The following EPHA8 variants were observed in gnomAD, a reference collection of about 807,000 sequenced individuals.
EPHA8 encodes the protein EPH receptor A8, also known as ephrin type-A receptor 8.
A neutral mutation model predicts 103.6 loss-of-function variants in EPHA8; 58 were observed. The ratio of observed to expected loss-of-function variants is 0.56; its 90% CI spans 0.45 to 0.70. The LOEUF is 0.70. Among genes scored for constraint, EPHA8 ranks in the 30% least tolerant of loss-of-function variants. EPHA8 has a pLI of 0.00. For synonymous variants in EPHA8, 559 were observed against 572.5 expected (o/e 0.98, Z 0.34); for missense variants, 1,304 against 1,395.2 (o/e 0.93, Z 1.04).
rs1167266311 is a variant in EPHA8, at chr1:22,601,747, A to T, written c.*6A>T. 3.2e-6 allele frequency: 5 copies of T among 1,554,278 alleles called. No homozygotes were observed. Among genetic ancestry groups the T allele is most frequent in the Admixed American group, 3.8e-5 (2 of 52,334 alleles). On this transcript the variant is annotated 3_prime_UTR_variant, in exon 17 of 17. Coordinates refer to ENST00000166244, the MANE Select transcript of EPHA8 (RefSeq NM_020526.5). ...GGCCCCGCCGGCACCTCTGATGTAC[A>T]GCCAGCAGGGCCCAGGCAGCCACCA...
chr1:22,578,428 A>G (rs1035144064), intron 3 of EPHA8, among the ~76,000 whole-genome samples: 9 of 81,438 alleles, frequency 1.1e-4, no homozygotes, highest in South Asian at 4.4e-4. Flanking sequence ...ATGTGTACGT[A>G]TGTGTACGTG....
intron 7 of EPHA8, among the ~76,000 whole-genome samples, chr1:22,594,318 G>A (rs1641458927): frequency 6.6e-6 from 1 of 152,206 alleles, no homozygotes; most frequent in South Asian, 2.1e-4. Context: ...AAGGACGGTC[G>A]CTCGCCTGAG....
At chr1:22,592,161 CAACCAACTCCTCCCTGG>C (rs1238665987) in intron 5 of EPHA8, among the ~76,000 whole-genome samples, 1 of 152,176 alleles carries the variant, frequency 6.6e-6, no homozygotes, top group East Asian at 1.9e-4. Flanking sequence ...CACTTCTCTA[CAACCAACTCCTCCCTGG>C]AGCCCTCTCG....
intron 2 of EPHA8, among the ~76,000 whole-genome samples, chr1:22,575,982 C>T (rs1640678287): frequency 6.6e-6 from 1 of 151,922 alleles, no homozygotes; most frequent in Non-Finnish European, 1.5e-5. Flanking sequence ...ATGTGTGGCT[C>T]ACAGGTCAGA....
intron 3 of EPHA8, among the ~76,000 whole-genome samples, chr1:22,578,723 G>A (rs541524057): frequency 3.9e-4 from 59 of 151,726 alleles, no homozygotes; most frequent in African/African-American, 1.3e-3. Context: ...ATGCATGTGT[G>A]CATATGTGCA....
chr1:22,564,359 A>G (rs1226646761), intron 1 of EPHA8, among the ~76,000 whole-genome samples: 6 of 149,058 alleles, frequency 4.0e-5, no homozygotes, highest in Non-Finnish European at 7.4e-5. Flanking sequence ...GCTGGGGAGA[A>G]GAAGGGAGGG....
At chr1:22,571,732 G>A (rs1331810326) in intron 2 of EPHA8, among the ~76,000 whole-genome samples, 1 of 152,176 alleles carries the variant, frequency 6.6e-6, no homozygotes, top group Non-Finnish European at 1.5e-5. Context: ...TCTGCAGAGG[G>A]GCCTGGGAAT....
At chr1:22,583,094 C>T (rs1370028048) in intron 3 of EPHA8, among the ~76,000 whole-genome samples, 1 of 152,236 alleles carries the variant, frequency 6.6e-6, no homozygotes. Context: ...GCTGGCCTGA[C>T]AGGCGGCCTG....
intron 3 of EPHA8, among the ~76,000 whole-genome samples, chr1:22,585,261 G>C (rs1279113805): frequency 1.3e-5 from 2 of 152,120 alleles, no homozygotes; most frequent in East Asian, 1.9e-4. Context: ...ACTAAACAAG[G>C]CTCCAAGTGG....
chr1:22,579,429 T>A (rs533718180), intron 3 of EPHA8, among the ~76,000 whole-genome samples: 3 of 151,964 alleles, frequency 2.0e-5, no homozygotes, highest in African/African-American at 7.2e-5. Context: ...TGTGCATGTG[T>A]TTGCATGTGT....
chr1:22,598,763 G>C lies in EPHA8; in HGVS notation c.2179-75G>C. 6.8e-7 allele frequency: 1 copy of C among 1,470,736 alleles called. No individual in the cohort carries two copies. The highest frequency in any genetic ancestry group is 9.3e-7 in the Non-Finnish European group (1 of 1,070,354). The allele number at this position is 1,470,736 out of a possible 1,614,324, so 91.1% of individuals were successfully genotyped here. On this transcript the variant is annotated intron_variant, in intron 12 of 16. Coordinates refer to ENST00000166244, the MANE Select transcript of EPHA8 (RefSeq NM_020526.5). The surrounding 1 kb of genome is among the most constrained non-coding windows in gnomAD (Gnocchi z 5.1). ...CGTCTCAACTCGAGAGCATCCTACA[G>C]ATGGGAGGTGTTCCTGTTCACGGAC... is the stretch of plus-strand genomic sequence containing the variant.
intron 3 of EPHA8, among the ~76,000 whole-genome samples, chr1:22,577,993 GT>G (rs1640787209): frequency 1.6e-3 from 1 of 636 alleles, no homozygotes; most frequent in Non-Finnish European, 3.2e-3. Context: ...ATGTGTGCAT[GT>G]ACACCTGTGT....
At position 22,572,964 on chromosome 1, in the gene EPHA8, A is replaced by G. The variant is rs558599148; in HGVS notation, c.160-3253A>G. Among the ~76,000 whole-genome samples the G allele has an allele frequency of 2.2e-4, 34 of 152,332 alleles. No individual in the cohort carries two copies. The East Asian group carries it at 6.0e-3, about 27-fold the overall frequency. On this transcript the variant is annotated intron_variant, in intron 2 of 16. Coordinates refer to ENST00000166244, the MANE Select transcript of EPHA8 (RefSeq NM_020526.5). ...CCATTGGCCCCGGTGGGGCAGCTGG[A>G]GTAGACTCAGATGGAACTGATTAAT... is the stretch of plus-strand genomic sequence containing the variant.
In EPHA8 at chr1:22,589,229, G is replaced by A. The variant is rs146096622; in HGVS notation, c.1315+23G>A. Reference sequence around the variant, plus strand: ...CAGGTAGGCGGAGAAACTCCGTCCCGCAGCGTCCTGGTCCCCCAGCTTCCC... The same window carrying A: ...CAGGTAGGCGGAGAAACTCCGTCCCACAGCGTCCTGGTCCCCCAGCTTCCC... On this transcript the variant is annotated intron_variant, in intron 5 of 16. Coordinates refer to ENST00000166244, the MANE Select transcript of EPHA8 (RefSeq NM_020526.5). This position sits in a 1 kb window ranked among gnomAD's most constrained non-coding sequence, Gnocchi z 4.3. 907 of 1,613,976 alleles carry A rather than the reference G, an allele frequency of 5.6e-4. 4 individuals are homozygous for A. In the African/African-American group the frequency reaches 8.0e-3, roughly 14 times the overall value.
chr1:22,570,310 G>A (rs141454814), intron 2 of EPHA8, among the ~76,000 whole-genome samples: 10 of 137,828 alleles, frequency 7.3e-5, no homozygotes, highest in East Asian at 4.0e-4. Flanking sequence ...ACACGTGTGC[G>A]TGTACACACA....
rs376737470 is a variant in EPHA8, at chr1:22,596,162, A to G, written c.1754A>G (p.Gln585Arg). The change falls in exon 9 of 17, where the codon CAG becomes CGG. Residue 585 changes from glutamine to arginine, a missense_variant. Physicochemically the swap from Gln to Arg is conservative, Grantham distance 43. Coordinates refer to ENST00000166244, the MANE Select transcript of EPHA8 (RefSeq NM_020526.5). ...QDSDEEKMHY[Q>R]NGQAPPPVFL... ...TCGGACGAGGAGAAGATGCACTATC[A>G]GAATGGACAGGGTGAGTGCAGGGGC... 6.2e-7 allele frequency: 1 copy of G among 1,613,814 alleles called. No individual in the cohort carries two copies. Among genetic ancestry groups the G allele is most frequent in the Non-Finnish European group, 8.5e-7 (1 of 1,179,954 alleles).
At position 22,580,118 on chromosome 1, in the gene EPHA8, T is replaced by C. The variant is rs200180734; in HGVS notation, c.823+3238T>C. 6.5e-3 allele frequency among the ~76,000 whole-genome samples: 909 copies of C among 140,910 alleles called. 8 individuals are homozygous for C. The highest frequency in any genetic ancestry group is 0.027 in the East Asian group (118 of 4,452). 92.4% of individuals were successfully genotyped at this position (140,910 alleles called of 152,430 possible). On this transcript the variant is annotated intron_variant, in intron 3 of 16. Transcript: ENST00000166244. ...CCTTCCCGGAGGCTCTCTGGTTTTC[T>C]TTCTTTCTCTTTTTTTTTTTTTTTT...
chr1:22,568,313 C>T (rs1011220835), intron 1 of EPHA8, among the ~76,000 whole-genome samples: 4 of 152,326 alleles, frequency 2.6e-5, no homozygotes, highest in East Asian at 1.9e-4. Context: ...GTTGAGCCTG[C>T]AGGGTCCCCT....
chr1:22,584,694 C>T (rs1417045409), intron 3 of EPHA8, among the ~76,000 whole-genome samples: 2 of 152,104 alleles, frequency 1.3e-5, no homozygotes. Flanking sequence ...CAAAGGACTT[C>T]AGTTCCATGG....
Sources: allele counts gnomAD v4.1 joint callset (sites outside exome capture counted in the v4.1 genomes callset), GRCh38; gene constraint gnomAD v4.1.1; non-coding constraint Gnocchi (gnomAD v3.1); transcripts MANE v1.5; gene names NCBI Gene and HGNC (gene_info 2026-07-23, HGNC 2026-07-21).